DPP4: variants seen among roughly 807,000 people sequenced by gnomAD.
The protein encoded by DPP4 is ADCP-2.
In DPP4, 93 loss-of-function variants were observed where a neutral mutation model predicts 122.4. The ratio of observed to expected loss-of-function variants is 0.76; its 90% confidence interval spans 0.64 to 0.90. The LOEUF (loss-of-function observed/expected upper bound fraction) is 0.90, where lower values mean the gene tolerates loss of function less well. Among genes scored for constraint, DPP4 ranks in the 40% least tolerant of loss-of-function variants. The pLI, the probability that DPP4 is intolerant of heterozygous loss-of-function variation, is 0.00. For missense variants in DPP4, 914 were observed against 907.3 expected (o/e 1.01, Z -0.09); for synonymous variants, 321 against 302.9 (o/e 1.06, Z -0.62).
At chr2:162,009,626 T>C (rs1330113569) in intron 20 of DPP4, among the ~76,000 whole-genome samples, 2 of 151,870 alleles carry the variant, frequency 1.3e-5, no homozygotes, top group African/African-American at 2.4e-5. Flanking sequence ...AGATGCACTT[T>C]TCTTTACATA....
intron 18 of DPP4, among the ~76,000 whole-genome samples, chr2:162,016,326 T>C (rs1473172507): frequency 6.6e-6 from 1 of 152,120 alleles, no homozygotes; most frequent in African/African-American, 2.4e-5. Flanking sequence ...GTCAGCAGGG[T>C]TTGGAAAAGT....
chr2:162,048,567 T>C (rs1376636940), intron 2 of DPP4, among the ~76,000 whole-genome samples: 3 of 152,116 alleles, frequency 2.0e-5, no homozygotes, highest in Non-Finnish European at 1.5e-5. Context: ...TCTCATTCAC[T>C]CTTATGACCA....
chr2:162,031,695 C>T (rs1034536198), intron 10 of DPP4, among the ~76,000 whole-genome samples: 5 of 152,142 alleles, frequency 3.3e-5, no homozygotes, highest in Admixed American at 1.3e-4. Flanking sequence ...GTCGTGAAAA[C>T]CCCATGTTCT....
chr2:162,069,165 A>G (rs1685036707), intron 2 of DPP4, among the ~76,000 whole-genome samples: 1 of 152,228 alleles, frequency 6.6e-6, no homozygotes, highest in Non-Finnish European at 1.5e-5. Context: ...GTTTCTATAA[A>G]TCTTCTGTAG....
At chr2:162,006,902 G>A (rs1428921690) in intron 22 of DPP4, among the ~76,000 whole-genome samples, 1 of 151,952 alleles carries the variant, frequency 6.6e-6, no homozygotes, top group African/African-American at 2.4e-5. Context: ...TTTCAAAACT[G>A]ATTTCATTAA....
intron 18 of DPP4, among the ~76,000 whole-genome samples, chr2:162,014,752 T>C (rs969464810): frequency 6.6e-6 from 1 of 152,212 alleles, no homozygotes; most frequent in Non-Finnish European, 1.5e-5. Context: ...TAATGTTTTG[T>C]TTTTATGATT....
intron 7 of DPP4, 87 bp downstream of exon 7, chr2:162,038,862 G>A (rs991456853): frequency 8.6e-7 from 1 of 1,166,582 alleles, no homozygotes; most frequent in Non-Finnish European, 1.3e-6. Context: ...GAGTTCCTAA[G>A]ATGTCTGCTT....
intron 11 of DPP4, among the ~76,000 whole-genome samples, chr2:162,024,503 G>A (rs1472384851): frequency 1.3e-5 from 2 of 152,104 alleles, no homozygotes; most frequent in Non-Finnish European, 2.9e-5. Context: ...GCCCTCTTTG[G>A]TTTTTAAAAT....
intron 7 of DPP4, among the ~76,000 whole-genome samples, chr2:162,038,651 A>C (rs887382938): frequency 2.0e-5 from 3 of 152,154 alleles, no homozygotes; most frequent in Non-Finnish European, 4.4e-5. Context: ...AATGAGAAGT[A>C]CATAACTACC....
intron 8 of DPP4, among the ~76,000 whole-genome samples, chr2:162,035,551 A>G (rs1377702668): frequency 6.6e-6 from 1 of 152,252 alleles, no homozygotes; most frequent in African/African-American, 2.4e-5. Flanking sequence ...CCATTTTAGA[A>G]TATTTTAGCA....
At chr2:162,021,815 G>A (rs1683138386) in intron 12 of DPP4, among the ~76,000 whole-genome samples, 1 of 152,132 alleles carries the variant, frequency 6.6e-6, no homozygotes, top group Admixed American at 6.5e-5. Context: ...GAGTCGTGAG[G>A]AAGTGTAGCG....
At chr2:162,047,814 T>C (rs1375137656) in intron 2 of DPP4, among the ~76,000 whole-genome samples, 3 of 152,168 alleles carry the variant, frequency 2.0e-5, no homozygotes, top group African/African-American at 7.2e-5. Context: ...AGAAGCTATA[T>C]AAGAAACAAA....
chr2:162,029,508 G>A (rs1683463873), intron 10 of DPP4, among the ~76,000 whole-genome samples: 1 of 152,242 alleles, frequency 6.6e-6, no homozygotes, highest in Non-Finnish European at 1.5e-5. Flanking sequence ...TCTGAGGGCT[G>A]CAGCACCCGT....
At chr2:162,020,840 T>C (rs1179770363) in intron 12 of DPP4, 152 bp from the exon 13 acceptor site, 46 of 537,994 alleles carry the variant, frequency 8.6e-5, no homozygotes, top group Non-Finnish European at 7.5e-5. Context: ...AAAAGAAAAT[T>C]ATCTTTCTAT....
At chr2:162,016,562 G>T (rs1682935043) in intron 18 of DPP4, among the ~76,000 whole-genome samples, 1 of 152,166 alleles carries the variant, frequency 6.6e-6, no homozygotes, top group African/African-American at 2.4e-5. Context: ...CTTTTTGACA[G>T]AATAAGTTTT....
chr2:162,003,543 A>G (rs1701206005), intron 23 of DPP4, among the ~76,000 whole-genome samples: 1 of 152,106 alleles, frequency 6.6e-6, no homozygotes, highest in Non-Finnish European at 1.5e-5. Flanking sequence ...TTAAAATATA[A>G]TTTTTTAAAT....
rs774228217 is a variant in DPP4, at chr2:162,005,823, A to T, written c.1988-14T>A. 3.1e-6 allele frequency: 5 copies of T among 1,605,806 alleles called. No individual in the cohort carries two copies. The highest frequency in any genetic ancestry group is 3.4e-6 in the Non-Finnish European group (4 of 1,176,784). ...TGTACACTGAGTCTGTGAAAGAAAA[A>T]AAAATAAAAAAAAGTTTAATTCATA... On this transcript the variant is annotated splice_polypyrimidine_tract_variant and intron_variant, in intron 22 of 25. Transcript: ENST00000360534.
chr2:162,005,851 A>C, intron 22 of DPP4, 42 bp from the exon 23 acceptor site: 1 of 1,545,040 alleles, frequency 6.5e-7, no homozygotes, highest in Non-Finnish European at 8.8e-7. Flanking sequence ...AATTCATACA[A>C]TAACAACTTT....
intron 10 of DPP4, among the ~76,000 whole-genome samples, chr2:162,028,759 T>C (rs1683439367): frequency 6.6e-6 from 1 of 152,246 alleles, no homozygotes; most frequent in Non-Finnish European, 1.5e-5. Context: ...CAGGAACTAT[T>C]CTAAGTGCTT....
Sources: allele counts gnomAD v4.1 joint callset (sites outside exome capture counted in the v4.1 genomes callset), GRCh38; gene constraint gnomAD v4.1.1; transcripts MANE v1.5; gene names NCBI Gene and HGNC (gene_info 2026-07-23, HGNC 2026-07-21).